The following RNF6 variants were observed in gnomAD, a reference collection of about 807,000 sequenced individuals.
RNF6 encodes the protein ring finger protein 6.
RNF6 carries 21 observed loss-of-function variants against 50.1 expected under a neutral mutation model. The observed-to-expected ratio is 0.42, with a 90% CI of 0.30 to 0.60. The LOEUF is 0.60. Among genes scored for constraint, RNF6 ranks in the 20% least tolerant of loss-of-function variants. The pLI, the probability that RNF6 is intolerant of heterozygous loss-of-function variation, is 0.20. For missense variants in RNF6, 698 were observed against 838.2 expected, an observed-to-expected ratio of 0.83 and a Z score of 2.07; for synonymous variants, 255 against 291.8, an observed-to-expected ratio of 0.87 and a Z score of 1.29.
intron 5 of RNF6, among the ~76,000 whole-genome samples, chr13:26,157,397 T>C (rs1409011896): frequency 6.6e-6 from 1 of 152,088 alleles, no homozygotes; most frequent in Non-Finnish European, 1.5e-5. Flanking sequence ...GCAGTGGGTG[T>C]AATTTGACTA....
chr13:26,168,607 C>T (rs1000660978), intron 5 of RNF6, among the ~76,000 whole-genome samples: 3 of 152,182 alleles, frequency 2.0e-5, no homozygotes, highest in African/African-American at 7.2e-5. Context: ...TCTTTTAAGC[C>T]TTGCATAGTT....
intron 5 of RNF6, among the ~76,000 whole-genome samples, chr13:26,204,315 G>A (rs961300793): frequency 1.3e-5 from 2 of 151,790 alleles, no homozygotes; most frequent in African/African-American, 4.8e-5. Context: ...GACCAACATG[G>A]TGAAACCCCA....
chr13:26,138,266 A>G (rs927816363), intron 5 of RNF6, among the ~76,000 whole-genome samples: 7 of 152,202 alleles, frequency 4.6e-5, no homozygotes, highest in Non-Finnish European at 1.0e-4. Flanking sequence ...CTGTCCTTCA[A>G]AAATGAGGGA....
chr13:26,181,403 TCTC>T (rs1261659160), intron 5 of RNF6, among the ~76,000 whole-genome samples: 1 of 152,132 alleles, frequency 6.6e-6, no homozygotes, highest in African/African-American at 2.4e-5. Flanking sequence ...CAGTTGGCAT[TCTC>T]CTGACCAAAT....
At chr13:26,142,071 C>T (rs1368077425) in intron 5 of RNF6, among the ~76,000 whole-genome samples, 3 of 152,054 alleles carry the variant, frequency 2.0e-5, no homozygotes, top group Non-Finnish European at 4.4e-5. Flanking sequence ...GGGCTAAGAA[C>T]ATGAACAGAC....
chr13:26,135,856 T>C (rs1870621935), intron 5 of RNF6, among the ~76,000 whole-genome samples: 1 of 152,100 alleles, frequency 6.6e-6, no homozygotes, highest in Non-Finnish European at 1.5e-5. Context: ...AAGATCTGGT[T>C]GTTTAAAGGA....
rs1194051977 is a variant in RNF6, at chr13:26,214,196, G to A, written c.1686C>T (p.Asn562=). 3.1e-6 allele frequency: 5 copies of A among 1,614,206 alleles called. No homozygotes were observed. Among genetic ancestry groups the A allele is most frequent in the East Asian group, 2.2e-5 (1 of 44,884 alleles). Residue 562 remains asparagine (N), a synonymous_variant, in exon 5 of 5, where the codon AAC becomes AAT. Transcript: ENST00000381588. ...ACTGCCTGCCACCCCTACTGTCACT[G>A]TTTCGAGTATGAGGCTGGGTGGTCT... ...ENETTQPHTR[N]SDSRGGRQLR... is the part of the protein sequence containing the mutation.
downstream of RNF6, among the ~76,000 whole-genome samples, chr13:26,208,700 C>T (rs1869199865): frequency 6.6e-6 from 1 of 152,164 alleles, no homozygotes. Context: ...AAGTGGACCC[C>T]TCCCAAGTTA....
chr13:26,219,463 T>A lies in RNF6; in HGVS notation c.187A>T (p.Thr63Ser). The change falls in exon 3 of 5, where the codon ACC (threonine) becomes TCC (serine). Residue 63 changes from threonine (T) to serine (S), a missense_variant. Transcript: ENST00000381588. Reference protein sequence around the residue: ...RLMRDHNLLGTPGEITSEELQ... With the variant: ...RLMRDHNLLGSPGEITSEELQ... ...TCTTTTACCCATCTCTTACCAGGGG[T>A]GCCTAAAAGATTATGGTCTCTCATA... 1 of 1,604,516 alleles carries A rather than the reference T, an allele frequency of 6.2e-7. No individual in the cohort carries two copies. The highest frequency in any genetic ancestry group is 8.5e-7 in the Non-Finnish European group (1 of 1,173,920).
intron 5 of RNF6, chr13:26,149,283 T>C (rs1871428305): frequency 6.6e-6 from 1 of 151,962 alleles, no homozygotes; most frequent in Admixed American, 6.6e-5. Context: ...ACGTACTAGG[T>C]TTAAGAAACA....
chr13:26,180,253 A>G (rs1048935252), intron 5 of RNF6, among the ~76,000 whole-genome samples: 1 of 152,152 alleles, frequency 6.6e-6, no homozygotes, highest in Admixed American at 6.5e-5. Flanking sequence ...ATGTACACCT[A>G]TGCTGGGTAT....
chr13:26,194,198 T>G (rs1441421324), intron 5 of RNF6, among the ~76,000 whole-genome samples: 1 of 151,854 alleles, frequency 6.6e-6, no homozygotes, highest in Admixed American at 6.6e-5. Context: ...TGCTAGAGAG[T>G]GTGAGCATCA....
At chr13:26,150,669 A>C (rs1466398223) in intron 5 of RNF6, 1 of 152,006 alleles carries the variant, frequency 6.6e-6, no homozygotes, top group Non-Finnish European at 1.5e-5. Flanking sequence ...TCAAAACTTG[A>C]ATTCACTCTT....
At chr13:26,159,059 T>C (rs1312669637) in intron 5 of RNF6, among the ~76,000 whole-genome samples, 2 of 151,092 alleles carry the variant, frequency 1.3e-5, no homozygotes, top group African/African-American at 4.9e-5. Flanking sequence ...GAAGTATAAA[T>C]ATACTACAAT....
In RNF6 at chr13:26,181,126, G is replaced by T. The variant is rs77593332; in HGVS notation, n.768+34348C>A. On this transcript the variant is annotated intron_variant and non_coding_transcript_variant, in intron 5 of 5. Transcript: ENST00000468480. ...GGGGGTCACATCCTGTACTTGACAA[G>T]GCACCGGACTAGATCCAGGTACTCC... Among the ~76,000 whole-genome samples the T allele has an allele frequency of 2.4e-3, 363 of 152,260 alleles. 4 individuals carry two copies. In the East Asian group the frequency reaches 0.038, roughly 16 times the overall value.
intron 5 of RNF6, among the ~76,000 whole-genome samples, chr13:26,170,345 T>C (rs1872639573): frequency 1.3e-5 from 2 of 152,198 alleles, no homozygotes; most frequent in Admixed American, 1.3e-4. Context: ...AAAAGCACTT[T>C]GTTACCGAAG....
chr13:26,158,511 A>G (rs1872052673), intron 5 of RNF6, among the ~76,000 whole-genome samples: 1 of 152,222 alleles, frequency 6.6e-6, no homozygotes, highest in South Asian at 2.1e-4. Flanking sequence ...AAGTTGGTCT[A>G]TTTATAAATA....
chr13:26,176,251 C>G lies in RNF6; in HGVS notation n.768+39223G>C, dbSNP rs114756556. On this transcript the variant is annotated intron_variant and non_coding_transcript_variant, in intron 5 of 5. Transcript: ENST00000468480. The stretch of plus-strand genomic sequence containing the variant: ...TTGTCTTCAGTCTTCTCTAACTGTA[C>G]TTTTCCTTTTGCTTTAAGCATACTC... Among the ~76,000 whole-genome samples, 1,094 of 152,298 alleles carry G rather than the reference C, an allele frequency of 7.2e-3. 15 individuals are homozygous for G. The highest frequency in any genetic ancestry group is 0.025 in the African/African-American group (1,049 of 41,560).
At chr13:26,206,332 G>T (rs1245154355) in intron 5 of RNF6, among the ~76,000 whole-genome samples, 1 of 152,196 alleles carries the variant, frequency 6.6e-6, no homozygotes, top group African/African-American at 2.4e-5. Flanking sequence ...GACAGAGTTT[G>T]GGACCCTGGT....
Sources: gnomAD v4.1 joint callset for allele counts (sites outside exome capture counted in the v4.1 genomes callset) on GRCh38, gnomAD v4.1.1 for gene constraint, MANE v1.5 for transcripts, NCBI Gene and HGNC (gene_info 2026-07-23, HGNC 2026-07-21) for gene names.